The following LPL variants were observed in gnomAD, a reference collection of about 807,000 sequenced individuals.
The protein encoded by LPL is lipoprotein lipase.
A neutral mutation model predicts 52.2 loss-of-function variants in LPL; 43 were observed. That is an observed-to-expected ratio of 0.82 (90% CI 0.64 to 1.06). LPL has a LOEUF of 1.06. Among genes scored for constraint, LPL ranks in the 50% least tolerant of loss-of-function variants. The pLI is 0.00. For synonymous variants in LPL, 244 were observed against 215.6 expected, an observed-to-expected ratio of 1.13 and a Z score of -1.15; for missense variants, 639 against 585.3, an observed-to-expected ratio of 1.09 and a Z score of -0.95.
chr8:19,950,127 G>A lies in LPL; in HGVS notation c.250-1642G>A, dbSNP rs1364079706. On this transcript the variant is annotated intron_variant, in intron 2 of 9. Transcript: ENST00000650287. The surrounding 1 kb of genome is among the most constrained non-coding windows in gnomAD (Gnocchi z 4.2). Reference sequence around the variant, plus strand: ...GACTGCTGTCTGGCTGTGGGACTGAGTTGGGTCTGTGCAAGAACTAAGCCA... The same window carrying A: ...GACTGCTGTCTGGCTGTGGGACTGAATTGGGTCTGTGCAAGAACTAAGCCA... Among the ~76,000 whole-genome samples, 3 of 152,204 alleles carry A rather than the reference G, an allele frequency of 2.0e-5. No homozygotes were observed. The highest frequency in any genetic ancestry group is 2.9e-5 in the Non-Finnish European group (2 of 68,036).
intron 3 of LPL, among the ~76,000 whole-genome samples, chr8:19,952,583 T>C (rs573605560): frequency 1.3e-5 from 2 of 152,338 alleles, no homozygotes; most frequent in African/African-American, 4.8e-5. Context: ...CAAGGCAAAT[T>C]ATTTTAACCA....
At position 19,951,852 on chromosome 8, in the gene LPL, G is replaced by A. The variant is rs749390229; in HGVS notation, c.333G>A (p.Val111=). ...AACCAGACTCCAATGTCATTGTGGT[G>A]GACTGGCTGTCACGGGCTCAGGAGC... ...KREPDSNVIV[V]DWLSRAQEHY... is the part of the protein sequence containing the mutation. The change falls in exon 3 of 10, where the codon GTG becomes GTA. Residue 111 remains valine, a synonymous_variant. Transcript: ENST00000650287. The A allele has an allele frequency of 1.2e-6, 2 of 1,614,130 alleles. No individual in the cohort carries two copies. Among genetic ancestry groups the A allele is most frequent in the Admixed American group, 1.7e-5 (1 of 60,006 alleles).
At chr8:19,955,780 A>G in intron 5 of LPL, 61 bp from the exon 6 acceptor site, 1 of 1,611,094 alleles carries the variant, frequency 6.2e-7, no homozygotes, top group Non-Finnish European at 8.5e-7. Flanking sequence ...AGACATGCCA[A>G]ATGAAACACT....
In LPL at chr8:19,965,553, G is replaced by A; in HGVS notation, c.*243G>A. ...GCACATCCTCCAACGTTAAAAGACA[G>A]TGGATCATGAAAAGTGCTGTTTTGT... On this transcript the variant is annotated 3_prime_UTR_variant, in exon 10 of 10. Coordinates refer to ENST00000650287, the MANE Select transcript of LPL (RefSeq NM_000237.3). The A allele has an allele frequency of 2.0e-6, 1 of 510,092 alleles. No homozygotes were observed. The highest frequency in any genetic ancestry group is 3.5e-6 in the Non-Finnish European group (1 of 287,154). The allele number at this position is 510,092 out of a possible 1,614,324, so 31.6% of individuals were successfully genotyped here.
intron 1 of LPL, among the ~76,000 whole-genome samples, chr8:19,940,814 G>A (rs2069831470): frequency 6.6e-6 from 1 of 152,218 alleles, no homozygotes. Context: ...AAGTTGGCAG[G>A]GAGCAGTGGC....
chr8:19,947,041 G>A (rs771312061), intron 1 of LPL, among the ~76,000 whole-genome samples: 5 of 152,068 alleles, frequency 3.3e-5, no homozygotes, highest in African/African-American at 4.8e-5. Flanking sequence ...AAATATTTGG[G>A]GAGAGAATTA....
chr8:19,955,880 T>C lies in LPL; in HGVS notation c.815T>C (p.Ile272Thr). 5.0e-6 allele frequency: 8 copies of C among 1,614,200 alleles called. No homozygotes were observed. Among genetic ancestry groups the C allele is most frequent in the Non-Finnish European group, 6.8e-6 (8 of 1,180,038 alleles). The change falls in exon 6 of 10, where the codon ATT (isoleucine) becomes ACT (threonine). Residue 272 changes from isoleucine to threonine, a missense_variant. By Grantham distance (89) the Ile-to-Thr change is moderately conservative (BLOSUM62 -1). Coordinates refer to ENST00000650287, the MANE Select transcript of LPL (RefSeq NM_000237.3). ...GTGAAGTGCTCCCACGAGCGCTCCATTCATCTCTTCATCGACTCTCTGTTG... is the reference window on the plus strand; with the variant it reads ...GTGAAGTGCTCCCACGAGCGCTCCACTCATCTCTTCATCGACTCTCTGTTG... ...QLVKCSHERSIHLFIDSLLNE... is the reference protein window; with the variant it reads ...QLVKCSHERSTHLFIDSLLNE...
intron 5 of LPL, among the ~76,000 whole-genome samples, chr8:19,954,721 G>C (rs2069968862): frequency 6.6e-6 from 1 of 152,186 alleles, no homozygotes; most frequent in South Asian, 2.1e-4. Context: ...GATGTTACTG[G>C]AACAGAAGAT....
Position 19,960,962 on chromosome 8 carries a change from G to C in LPL, c.1201G>C (p.Glu401Gln), listed in dbSNP as rs150009614. ...FLIYTEVDIG[E>Q]LLMLKLKWKS... Reference sequence around the variant, plus strand: ...AATTTACACAGAGGTAGATATTGGAGAACTACTCATGTTGAAGCTCAAATG... The same window carrying C: ...AATTTACACAGAGGTAGATATTGGACAACTACTCATGTTGAAGCTCAAATG... Residue 401 changes from glutamate to glutamine, a missense_variant, in exon 8 of 10, where the codon GAA becomes CAA. Coordinates refer to ENST00000650287, the MANE Select transcript of LPL (RefSeq NM_000237.3). The C allele has an allele frequency of 1.1e-5, 17 of 1,613,896 alleles. No individual in the cohort carries two copies. The African/African-American group carries it at 1.9e-4, about 18-fold the overall frequency.
chr8:19,947,156 A>G (rs1005085654), intron 1 of LPL, among the ~76,000 whole-genome samples: 1 of 152,250 alleles, frequency 6.6e-6, no homozygotes, highest in African/African-American at 2.4e-5. Flanking sequence ...AGTTTCATAC[A>G]AAAGCCTCCT....
Position 19,953,384 on chromosome 8 carries a change from A to G in LPL, c.504A>G (p.Ala168=). 1 of 1,614,012 alleles carries G rather than the reference A, an allele frequency of 6.2e-7. No individual in the cohort carries two copies. Among genetic ancestry groups the G allele is most frequent in the Non-Finnish European group, 8.5e-7 (1 of 1,179,888 alleles). The part of the protein sequence containing the change: ...YSLGAHAAGI[A]GSLTNKKVNR... The stretch of plus-strand genomic sequence containing the variant: ...TTGGAGCCCATGCTGCTGGCATTGC[A>G]GGAAGTCTGACCAATAAGAAAGTCA... Residue 168 remains alanine, a synonymous_variant, in exon 4 of 10, where the codon GCA becomes GCG. Coordinates refer to ENST00000650287, the MANE Select transcript of LPL (RefSeq NM_000237.3).
chr8:19,962,952 C>T (rs541563645), intron 9 of LPL, among the ~76,000 whole-genome samples: 1 of 152,270 alleles, frequency 6.6e-6, no homozygotes, highest in African/African-American at 2.4e-5. Context: ...GGAATATGCC[C>T]TTTTCAACCC....
intron 1 of LPL, 74 bp from the exon 2 acceptor site, chr8:19,948,106 C>A: frequency 2.6e-6 from 4 of 1,516,230 alleles, no homozygotes; most frequent in East Asian, 2.3e-5. Flanking sequence ...GCCTGTGAAC[C>A]TAAAACATAT....
chr8:19,963,909 A>G (rs1003280149), intron 9 of LPL, among the ~76,000 whole-genome samples: 1 of 151,836 alleles, frequency 6.6e-6, no homozygotes, highest in Non-Finnish European at 1.5e-5. Context: ...TACTTTCTTC[A>G]GTTCTTAGAA....
rs184854240 is a variant in LPL, at chr8:19,943,252, T to A, written c.88+3724T>A. Among the ~76,000 whole-genome samples, 28 of 152,336 alleles carry A rather than the reference T, an allele frequency of 1.8e-4. No homozygotes were observed. In the South Asian group the frequency reaches 5.2e-3, roughly 28 times the overall value. ...AGTTTAGAGAAGCTTTTAAGTAGCA[T>A]GAAAAGTCAGATGCTTTCGGAGGGA... On this transcript the variant is annotated intron_variant, in intron 1 of 9. Transcript: ENST00000650287.
chr8:19,954,665 G>A (rs550583886), intron 5 of LPL, among the ~76,000 whole-genome samples: 52 of 152,240 alleles, frequency 3.4e-4, no homozygotes, highest in Non-Finnish European at 8.8e-5. Flanking sequence ...CTGGCCACAT[G>A]TTGTCATACC....
chr8:19,961,156 G>C (rs2070035245), intron 8 of LPL, 73 bp downstream of exon 8: 2 of 1,361,776 alleles, frequency 1.5e-6, no homozygotes, highest in Non-Finnish European at 2.1e-6. Context: ...TGTATTTCAG[G>C]GGCCTTCACA....
intron 1 of LPL, among the ~76,000 whole-genome samples, chr8:19,947,227 C>T (rs907276270): frequency 6.6e-6 from 1 of 152,022 alleles, no homozygotes; most frequent in Non-Finnish European, 1.5e-5. Flanking sequence ...AATAGAGGCC[C>T]GGCCCGATGG....
At position 19,953,417 on chromosome 8, in the gene LPL, T is replaced by A. The variant is rs758448156; in HGVS notation, c.537T>A (p.Ile179=). 9.9e-6 allele frequency: 16 copies of A among 1,611,632 alleles called. No individual in the cohort carries two copies. The highest frequency in any genetic ancestry group is 1.3e-5 in the Non-Finnish European group (15 of 1,177,806). Residue 179 remains isoleucine, a synonymous_variant, in exon 4 of 10, where the codon ATT becomes ATA. Coordinates refer to ENST00000650287, the MANE Select transcript of LPL (RefSeq NM_000237.3). Reference sequence around the variant, plus strand: ...TGACCAATAAGAAAGTCAACAGAATTACTGGTAAGAAAGCAATTTCGTTGG... The same window carrying A: ...TGACCAATAAGAAAGTCAACAGAATAACTGGTAAGAAAGCAATTTCGTTGG... ...GSLTNKKVNR[I]TGLDPAGPNF... is the part of the protein sequence containing the mutation.
Sources: allele counts gnomAD v4.1 joint callset (sites outside exome capture counted in the v4.1 genomes callset), GRCh38; gene constraint gnomAD v4.1.1; non-coding constraint Gnocchi (gnomAD v3.1); transcripts MANE v1.5; gene names NCBI Gene and HGNC (gene_info 2026-07-23, HGNC 2026-07-21).